SPATA22: variants seen among roughly 807,000 people sequenced by gnomAD.
The protein encoded by SPATA22 is spermatogenesis associated 22, also known as spermatogenesis-associated protein 22.
Under a neutral mutation model 47.8 loss-of-function variants are expected in SPATA22, and 29 were observed. The ratio of observed to expected loss-of-function variants is 0.61; its 90% CI spans 0.45 to 0.83. The LOEUF (loss-of-function observed/expected upper bound fraction) is 0.83, where lower values mean the gene tolerates loss of function less well. SPATA22 is among the 40% of genes least tolerant of loss of function. SPATA22 has a pLI of 0.00. For missense variants in SPATA22, 410 were observed against 421.7 expected, an observed-to-expected ratio of 0.97 and a Z score of 0.24; for synonymous variants, 133 against 140.9, an observed-to-expected ratio of 0.94 and a Z score of 0.40.
intron 1 of SPATA22, among the ~76,000 whole-genome samples, chr17:3,479,508 GCTGAT>G (rs1310916301): frequency 6.6e-6 from 1 of 152,174 alleles, no homozygotes; most frequent in African/African-American, 2.4e-5. Context: ...GCTGTCCAGG[GCTGAT>G]GGAGCGGCCA....
At chr17:3,467,276 G>A (rs1420882007) in intron 3 of SPATA22, 150 bp downstream of exon 3, 1 of 583,914 alleles carries the variant, frequency 1.7e-6, no homozygotes, top group East Asian at 3.4e-5. Flanking sequence ...TCCTGACCTG[G>A]AATGTTCAGA....
At chr17:3,465,789 T>TAAAAAAAAAA (rs372510663) in intron 3 of SPATA22, among the ~76,000 whole-genome samples, 1 of 106,022 alleles carries the variant, frequency 9.4e-6, no homozygotes, top group Admixed American at 8.4e-5. Flanking sequence ...AAATAAAAAT[T>TAAAAAAAAAA]TAAAAAACAA....
Position 3,477,366 on chromosome 17 carries a change from T to C in SPATA22, c.-73-7968A>G, listed in dbSNP as rs537656997. ...GTCATAACATGCTAGGTTAGGTCCT[T>C]ATTAATTATTTTTGCCTTCGTTTAC... On this transcript the variant is annotated intron_variant, in intron 1 of 8. Transcript: ENST00000541913. Among the ~76,000 whole-genome samples the C allele has an allele frequency of 2.5e-4, 38 of 152,332 alleles. 1 individual carries two copies. The South Asian group carries it at 7.7e-3, about 31-fold the overall frequency.
chr17:3,470,520 C>CGT (rs2073404485), intron 1 of SPATA22, among the ~76,000 whole-genome samples: 1 of 151,766 alleles, frequency 6.6e-6, no homozygotes, highest in South Asian at 2.1e-4. Context: ...GAGGCCGAGA[C>CGT]GGGCGGATCA....
rs1241096586 is a variant in SPATA22 at position 3,498,772 on chromosome 17, T to C, written c.-74+14640A>G. The C allele has an allele frequency of 7.7e-6, 8 of 1,033,102 alleles. No homozygotes were observed. In the Admixed American group the frequency reaches 1.0e-4, roughly 13 times the overall value. 64.0% of individuals were successfully genotyped at this position (1,033,102 alleles called of 1,614,324 possible). A position where few individuals can be genotyped will look rare whatever the true frequency, so the allele number is the denominator to read the frequency against. The stretch of plus-strand genomic sequence containing the variant: ...ACTTGCCTGCATCTCAATGCCTCGC[T>C]CAAGTATCTCTTTTAAAACAACAGA... On this transcript the variant is annotated intron_variant, in intron 1 of 8. Coordinates refer to the SPATA22 transcript ENST00000541913.
chr17:3,463,933 CCCTCTCCCTCTCCCTCTG>C lies in SPATA22; in HGVS notation c.173-1184_173-1167del, dbSNP rs1325283813. Among the ~76,000 whole-genome samples the C allele has an allele frequency of 1.4e-4, 14 of 99,572 alleles. 1 individual carries two copies. Among genetic ancestry groups the C allele is most frequent in the Non-Finnish European group, 2.6e-4 (12 of 46,090 alleles). 65.3% of individuals were successfully genotyped at this position (99,572 alleles called of 152,430 possible). ...ATCCTCTCCCTCTCCCTCTCCCTCT[CCCTCTCCCTCTCCCTCTG>C]CCTCTCCCTCTGCCTCTCCCTCTCC... On this transcript the variant is annotated intron_variant, in intron 3 of 8. Coordinates refer to ENST00000572969, the MANE Select transcript of SPATA22 (RefSeq NM_001170698.2).
chr17:3,471,799 CG>C lies in SPATA22; in HGVS notation c.-192del, dbSNP rs2073444263. 8.1e-6 allele frequency: 8 copies of C among 985,510 alleles called. No individual in the cohort carries two copies. Among genetic ancestry groups the C allele is most frequent in the Non-Finnish European group, 9.6e-6 (8 of 829,976 alleles). 61.0% of individuals were successfully genotyped at this position (985,510 alleles called of 1,614,324 possible). A position where few individuals can be genotyped will look rare whatever the true frequency, so the allele number is the denominator to read the frequency against. On this transcript the variant is annotated 5_prime_UTR_variant, in exon 1 of 9. Coordinates refer to ENST00000572969, the MANE Select transcript of SPATA22 (RefSeq NM_001170698.2). ...GTCAGCAACCGCCGCCCTTCCCGCC[CG>C]CGAAGAAAGCGCGGGAATCAGGCTG... is the stretch of plus-strand genomic sequence containing the variant.
exon 1 of SPATA22, chr17:3,513,460 T>G (rs1280191764): frequency 6.3e-6 from 1 of 157,496 alleles, no homozygotes; most frequent in African/African-American, 2.4e-5. Context: ...TCCCACAAAT[T>G]CAGGCAACCC....
chr17:3,454,035 T>C (rs2072925174), intron 5 of SPATA22, among the ~76,000 whole-genome samples: 1 of 151,976 alleles, frequency 6.6e-6, no homozygotes, highest in South Asian at 2.1e-4. Context: ...AATTGCAGGA[T>C]ACAAAATCAA....
At chr17:3,466,535 T>G (rs1397480998) in intron 3 of SPATA22, among the ~76,000 whole-genome samples, 1 of 152,154 alleles carries the variant, frequency 6.6e-6, no homozygotes, top group East Asian at 1.9e-4. Flanking sequence ...ACTGGTGACC[T>G]CTGAGAACTA....
At chr17:3,450,301 GT>G (rs1179168858) in intron 5 of SPATA22, among the ~76,000 whole-genome samples, 1 of 152,170 alleles carries the variant, frequency 6.6e-6, no homozygotes, top group Non-Finnish European at 1.5e-5. Flanking sequence ...GTTTTATGAG[GT>G]CTGAAGCTTG....
intron 1 of SPATA22, among the ~76,000 whole-genome samples, chr17:3,506,473 G>A (rs905879899): frequency 6.6e-6 from 1 of 151,888 alleles, no homozygotes; most frequent in Non-Finnish European, 1.5e-5. Flanking sequence ...TATAATTAAG[G>A]GGAAAAAAAT....
At chr17:3,453,851 T>C (rs1028609482) in intron 5 of SPATA22, among the ~76,000 whole-genome samples, 4 of 152,048 alleles carry the variant, frequency 2.6e-5, no homozygotes, top group African/African-American at 9.7e-5. Flanking sequence ...CAAGTAATAC[T>C]CAACTAGTCT....
chr17:3,465,705 G>T (rs2073288982), intron 3 of SPATA22, among the ~76,000 whole-genome samples: 1 of 150,496 alleles, frequency 6.6e-6, no homozygotes, highest in South Asian at 2.1e-4. Flanking sequence ...TTTATCTGCT[G>T]ACCTTCCCTC....
intron 5 of SPATA22, among the ~76,000 whole-genome samples, chr17:3,455,249 T>G (rs2072960495): frequency 6.6e-6 from 1 of 152,130 alleles, no homozygotes; most frequent in African/African-American, 2.4e-5. Flanking sequence ...GTAGGTTGCC[T>G]GTTCACTCTG....
chr17:3,489,396 A>C, intron 1 of SPATA22: 4 of 1,414,982 alleles, frequency 2.8e-6, no homozygotes, highest in Non-Finnish European at 3.0e-6. Flanking sequence ...CATTTAAATA[A>C]CAATTGGAAC....
At chr17:3,482,049 G>A (rs1178337053) in intron 1 of SPATA22, among the ~76,000 whole-genome samples, 1 of 152,074 alleles carries the variant, frequency 6.6e-6, no homozygotes, top group Non-Finnish European at 1.5e-5. Flanking sequence ...AACACTTGTG[G>A]ATTCTTGTGT....
At chr17:3,459,793 A>G (rs1361190783) in intron 5 of SPATA22, among the ~76,000 whole-genome samples, 2 of 152,198 alleles carry the variant, frequency 1.3e-5, no homozygotes, top group South Asian at 2.1e-4. Context: ...CTGTCAAGAG[A>G]GTGTTCCAGA....
chr17:3,479,118 T>G (rs2073583272), intron 1 of SPATA22, among the ~76,000 whole-genome samples: 1 of 152,214 alleles, frequency 6.6e-6, no homozygotes, highest in South Asian at 2.1e-4. Flanking sequence ...GAAAATTCTT[T>G]AAAAATGTAT....
Sources: allele counts gnomAD v4.1 joint callset (sites outside exome capture counted in the v4.1 genomes callset), GRCh38; gene constraint gnomAD v4.1.1; transcripts MANE v1.5; gene names NCBI Gene and HGNC (gene_info 2026-07-23, HGNC 2026-07-21).